Variants in CEP126 observed in about 807,000 individuals in gnomAD.
CEP126 encodes centrosomal protein 126.
Under a neutral mutation model 107.8 loss-of-function variants are expected in CEP126, and 74 were observed. The ratio of observed to expected loss-of-function variants is 0.69; its 90% CI spans 0.57 to 0.83. The LOEUF (loss-of-function observed/expected upper bound fraction) is 0.83. Ranked by LOEUF, CEP126 falls within the 40% of genes least tolerant of loss-of-function variation. The pLI is 0.00. For missense variants in CEP126, 1,237 were observed against 1,281.9 expected (o/e 0.96, Z 0.53); for synonymous variants, 449 against 446.0 (o/e 1.01, Z -0.08).
chr11:101,964,632 C>CT (rs1941038143), intron 6 of CEP126, among the ~76,000 whole-genome samples: 1 of 138,488 alleles, frequency 7.2e-6, no homozygotes, highest in African/African-American at 2.8e-5. Flanking sequence ...GAGCCAGACT[C>CT]TATCTAAAAA....
chr11:101,994,445 G>A (rs980936783), intron 10 of CEP126, among the ~76,000 whole-genome samples: 1 of 152,120 alleles, frequency 6.6e-6, no homozygotes, highest in Non-Finnish European at 1.5e-5. Context: ...TCTTTACCAA[G>A]GCCTATGTCC....
intron 6 of CEP126, among the ~76,000 whole-genome samples, chr11:101,965,790 G>A (rs1050576430): frequency 5.3e-5 from 8 of 152,222 alleles, no homozygotes; most frequent in Admixed American, 3.9e-4. Context: ...TTGCAAAGAA[G>A]TAAGCAGAAT....
intron 6 of CEP126, among the ~76,000 whole-genome samples, chr11:101,970,014 A>G (rs1263439834): frequency 6.6e-6 from 1 of 152,196 alleles, no homozygotes. Flanking sequence ...ATGGACAGCA[A>G]TTTCTTACAC....
At chr11:101,954,643 T>C (rs1441783526) in intron 4 of CEP126, among the ~76,000 whole-genome samples, 1 of 150,842 alleles carries the variant, frequency 6.6e-6, no homozygotes, top group Non-Finnish European at 1.5e-5. Flanking sequence ...TGTTTATATA[T>C]ACATATATAT....
Position 101,915,126 on chromosome 11 carries a change from T to C in CEP126, c.-159T>C. 8.9e-7 allele frequency: 1 copy of C among 1,118,384 alleles called. No homozygotes were observed. Among genetic ancestry groups the C allele is most frequent in the Non-Finnish European group, 1.2e-6 (1 of 806,560 alleles). 69.3% of individuals were successfully genotyped at this position (1,118,384 alleles called of 1,614,324 possible). The stretch of plus-strand genomic sequence containing the variant: ...TCGCCGCTACAGGCACCAGTGCCGC[T>C]GCGCGGGAGCTAGGGCTGTCGAGGC... On this transcript the variant is annotated 5_prime_UTR_variant, in exon 1 of 11. Coordinates refer to ENST00000263468, the MANE Select transcript of CEP126 (RefSeq NM_020802.4).
intron 5 of CEP126, 121 bp from the exon 6 acceptor site, chr11:101,961,620 T>C (rs1391011683): frequency 5.2e-6 from 3 of 572,830 alleles, no homozygotes; most frequent in African/African-American, 1.9e-5. Context: ...ACCTATGATG[T>C]TTATAGTCAT....
In CEP126 at chr11:101,997,750, A is replaced by C; in HGVS notation, c.*107A>C. 1 of 1,495,248 alleles carries C rather than the reference A, an allele frequency of 6.7e-7. No individual in the cohort carries two copies. The highest frequency in any genetic ancestry group is 9.2e-7 in the Non-Finnish European group (1 of 1,088,746). The allele number at this position is 1,495,248 out of a possible 1,614,324, so 92.6% of individuals were successfully genotyped here. A position where few individuals can be genotyped will look rare whatever the true frequency, so the allele number is the denominator to read the frequency against. ...GGAAAACATGTGAGCAACAACCCCCATGAACATTTGTCCTAACTCAGATTT... is the reference window on the plus strand; with the variant it reads ...GGAAAACATGTGAGCAACAACCCCCCTGAACATTTGTCCTAACTCAGATTT... On this transcript the variant is annotated 3_prime_UTR_variant, in exon 11 of 11. Coordinates refer to ENST00000263468, the MANE Select transcript of CEP126 (RefSeq NM_020802.4).
intron 4 of CEP126, among the ~76,000 whole-genome samples, chr11:101,949,056 T>G (rs1478155008): frequency 1.3e-5 from 2 of 152,170 alleles, no homozygotes; most frequent in Non-Finnish European, 2.9e-5. Context: ...TCAGCAAAGC[T>G]TTGAAGAAAA....
intron 2 of CEP126, among the ~76,000 whole-genome samples, chr11:101,928,631 A>C (rs1158019602): frequency 6.6e-6 from 1 of 152,158 alleles, no homozygotes; most frequent in Admixed American, 6.5e-5. Context: ...TTGGTCCAGC[A>C]TTATTTGTTG....
chr11:101,962,771 TAAAG>T lies in CEP126; in HGVS notation c.1743_1746del (p.Lys581AsnfsTer12), dbSNP rs1452926496. 1.1e-5 allele frequency: 18 copies of T among 1,605,324 alleles called. No individual in the cohort carries two copies. Among genetic ancestry groups the T allele is most frequent in the Non-Finnish European group, 1.4e-5 (16 of 1,177,650 alleles). On this transcript the variant is annotated frameshift_variant, in exon 6 of 11. Coordinates refer to ENST00000263468, the MANE Select transcript of CEP126 (RefSeq NM_020802.4). LOFTEE classifies it high-confidence loss of function. ...GGTGTGAGATTTCTTAAAAGTATTT[TAAAG>T]AAAGAATCTAAATATGAACATGGTT...
intron 8 of CEP126, among the ~76,000 whole-genome samples, chr11:101,982,504 TC>T (rs1288350910): frequency 6.6e-6 from 1 of 152,192 alleles, no homozygotes; most frequent in African/African-American, 2.4e-5. Flanking sequence ...TAATTGCTTT[TC>T]TGTGTATTTT....
At chr11:101,943,260 T>C (rs974727151) in intron 2 of CEP126, among the ~76,000 whole-genome samples, 4 of 152,068 alleles carry the variant, frequency 2.6e-5, no homozygotes, top group African/African-American at 9.6e-5. Flanking sequence ...ACCTATCTCC[T>C]ATGTTGGACC....
chr11:101,938,344 C>G (rs1438405938), intron 2 of CEP126, among the ~76,000 whole-genome samples: 4 of 149,532 alleles, frequency 2.7e-5, no homozygotes, highest in African/African-American at 9.8e-5. Flanking sequence ...ATTGTTCTTG[C>G]TAGGAGTTTA....
chr11:101,991,014 A>G (rs553845336), intron 9 of CEP126, among the ~76,000 whole-genome samples: 1 of 152,056 alleles, frequency 6.6e-6, no homozygotes, highest in East Asian at 1.9e-4. Context: ...TCTACAAAAA[A>G]TTCAAAAAAA....
chr11:101,936,726 AAG>A (rs1236044586), intron 2 of CEP126, among the ~76,000 whole-genome samples: 1 of 152,128 alleles, frequency 6.6e-6, no homozygotes, highest in East Asian at 1.9e-4. Flanking sequence ...CAGATTGAAA[AAG>A]TTTCCTCTCA....
rs768774915 is a variant in CEP126 at position 101,962,250 on chromosome 11, G to C, written c.1215G>C (p.Glu405Asp). The C allele has an allele frequency of 6.2e-7, 1 of 1,613,900 alleles. No homozygotes were observed. The highest frequency in any genetic ancestry group is 8.5e-7 in the Non-Finnish European group (1 of 1,179,844). The stretch of plus-strand genomic sequence containing the variant: ...CCACTTCTGGAGCATTCAAAAGAGA[G>C]AGACCATTAGTTACTGAGAGCCCAA... The part of the protein sequence containing the change: ...TDSTSGAFKR[E>D]RPLVTESPTF... Residue 405 changes from glutamate (E) to aspartate (D), a missense_variant, in exon 6 of 11, where the codon GAG (glutamate) becomes GAC (aspartate). This residue lies in a region of CEP126 where 1,134 missense variants were observed against 1,150.5 expected (regional missense o/e 0.99). Transcript: ENST00000263468.
At chr11:101,972,413 G>A (rs1440877214) in intron 6 of CEP126, among the ~76,000 whole-genome samples, 4 of 152,026 alleles carry the variant, frequency 2.6e-5, no homozygotes, top group Non-Finnish European at 5.9e-5. Context: ...GGGACAGAGC[G>A]AGACTCCGTC....
At chr11:101,948,750 A>G (rs1457999664) in intron 4 of CEP126, among the ~76,000 whole-genome samples, 1 of 152,232 alleles carries the variant, frequency 6.6e-6, no homozygotes, top group East Asian at 1.9e-4. Context: ...ATGGAGAAGT[A>G]TATACTATTG....
chr11:101,995,449 A>C (rs1190484872), intron 10 of CEP126, among the ~76,000 whole-genome samples: 3 of 152,156 alleles, frequency 2.0e-5, no homozygotes, highest in African/African-American at 7.2e-5. Flanking sequence ...GGGCATTTAG[A>C]TATTTTTAAG....
Sources: gnomAD v4.1 joint callset for allele counts (sites outside exome capture counted in the v4.1 genomes callset) on GRCh38, gnomAD v4.1.1 for gene constraint, gnomAD v4.1.1 regional missense constraint, MANE v1.5 for transcripts, NCBI Gene and HGNC (gene_info 2026-07-23, HGNC 2026-07-21) for gene names.